LRP1B: variants seen among roughly 807,000 people sequenced by gnomAD.
LRP1B encodes low-density lipoprotein receptor-related protein 1B.
LRP1B carries 217 observed loss-of-function variants against 556.6 expected under a neutral mutation model. The observed-to-expected ratio is 0.39, with a 90% CI of 0.35 to 0.44. The LOEUF is 0.44. Among genes scored for constraint, LRP1B ranks in the 20% least tolerant of loss-of-function variants. The pLI, the probability that LRP1B is intolerant of heterozygous loss-of-function variation, is 1.00. For synonymous variants in LRP1B, 2,047 were observed against 1,865.8 expected (o/e 1.10, Z -2.50); for missense variants, 5,053 against 5,620.8 (o/e 0.90, Z 3.23).
At chr2:141,560,360 C>T (rs1007567819) in intron 2 of LRP1B, among the ~76,000 whole-genome samples, 1 of 151,712 alleles carries the variant, frequency 6.6e-6, no homozygotes, top group Non-Finnish European at 1.5e-5. Flanking sequence ...TGCATTAGTA[C>T]TTAAATAGCT....
chr2:140,415,167 G>A (rs914750446), intron 66 of LRP1B, among the ~76,000 whole-genome samples: 3 of 152,152 alleles, frequency 2.0e-5, no homozygotes, highest in South Asian at 2.1e-4. Flanking sequence ...GCTCGTGAAG[G>A]CTGTTTTCTG....
intron 31 of LRP1B, among the ~76,000 whole-genome samples, chr2:140,835,293 C>A (rs1691860849): frequency 1.3e-5 from 2 of 152,118 alleles, no homozygotes; most frequent in Non-Finnish European, 2.9e-5. Context: ...AAACTTAACT[C>A]ACAGGAAAAG....
intron 2 of LRP1B, among the ~76,000 whole-genome samples, chr2:141,567,740 T>TC (rs1686383394): frequency 7.6e-6 from 1 of 131,644 alleles, no homozygotes; most frequent in Non-Finnish European, 1.8e-5. Context: ...CCTGGGAAAC[T>TC]AAACAGACCT....
intron 1 of LRP1B, among the ~76,000 whole-genome samples, chr2:141,872,842 A>T (rs566403490): frequency 1.0e-3 from 154 of 152,168 alleles, no homozygotes; most frequent in African/African-American, 3.6e-3. Context: ...TAAAACATTT[A>T]AAAAATTTAA....
intron 2 of LRP1B, among the ~76,000 whole-genome samples, chr2:141,752,758 G>A: frequency 6.6e-6 from 1 of 150,762 alleles, no homozygotes; most frequent in African/African-American, 2.4e-5. Flanking sequence ...TGGGCAACAT[G>A]GAGAAACCCT....
chr2:141,412,006 T>C lies in LRP1B; in HGVS notation c.343+68390A>G, dbSNP rs1319375792. ...CCTCATACTAGATTGTCTTGAAATA[T>C]AAAAAGGAACTATTACATTATTTTA... On this transcript the variant is annotated intron_variant, in intron 3 of 90. Transcript: ENST00000389484. Among the ~76,000 whole-genome samples, 4 of 151,988 alleles carry C rather than the reference T, an allele frequency of 2.6e-5. No homozygotes were observed. In the East Asian group the frequency reaches 7.7e-4, roughly 29 times the overall value.
In LRP1B at chr2:142,045,668, C is replaced by T. The variant is rs974758661; in HGVS notation, c.82+84980G>A. Among the ~76,000 whole-genome samples the T allele has an allele frequency of 5.9e-5, 9 of 151,956 alleles. No homozygotes were observed. In the East Asian group the frequency reaches 9.7e-4, roughly 16 times the overall value. On this transcript the variant is annotated intron_variant, in intron 1 of 90. Transcript: ENST00000389484. Reference sequence around the variant, plus strand: ...TATCTAATATATTTAATCGGTCATGCGTAATACATACTTTGTTTGCTATAC... The same window carrying T: ...TATCTAATATATTTAATCGGTCATGTGTAATACATACTTTGTTTGCTATAC...
intron 7 of LRP1B, among the ~76,000 whole-genome samples, chr2:141,099,529 G>A (rs148412338): frequency 1.3e-5 from 2 of 152,288 alleles, no homozygotes; most frequent in African/African-American, 2.4e-5. Context: ...ATGTATGAGT[G>A]CATACACACA....
At chr2:141,072,828 C>T (rs1032728959) in intron 7 of LRP1B, among the ~76,000 whole-genome samples, 2 of 152,036 alleles carry the variant, frequency 1.3e-5, no homozygotes, top group African/African-American at 4.8e-5. Flanking sequence ...TTTCTTATAG[C>T]CCCAGCTAAA....
chr2:141,096,629 GGAGAGAGAGAGAGAGAGAGAGAGAGA>G (rs756327718), intron 7 of LRP1B, among the ~76,000 whole-genome samples: 13 of 59,744 alleles, frequency 2.2e-4, no homozygotes, highest in South Asian at 6.0e-4. Flanking sequence ...GGGGAGAGGG[GGAGAGAGAGAGAGAGAGAGAGAGAGA>G]GAGAGAGAGA....
chr2:140,431,103 C>A (rs1327025790), intron 66 of LRP1B, among the ~76,000 whole-genome samples: 1 of 152,192 alleles, frequency 6.6e-6, no homozygotes, highest in Admixed American at 6.5e-5. Flanking sequence ...CGATAGCAGA[C>A]CGGCCTTTAT....
chr2:142,013,565 A>G (rs929242021), intron 1 of LRP1B, among the ~76,000 whole-genome samples: 31 of 149,444 alleles, frequency 2.1e-4, no homozygotes, highest in African/African-American at 7.6e-4. Flanking sequence ...TATTCTACAG[A>G]AAAAAAAAAT....
chr2:141,186,090 A>AAAC (rs1553472532), intron 7 of LRP1B, among the ~76,000 whole-genome samples: 2 of 151,148 alleles, frequency 1.3e-5, no homozygotes, highest in Admixed American at 6.6e-5. Context: ...AAAAAAAAAA[A>AAAC]AAAAAAAAAC....
At chr2:141,217,612 G>T (rs896558270) in intron 6 of LRP1B, among the ~76,000 whole-genome samples, 2 of 152,176 alleles carry the variant, frequency 1.3e-5, no homozygotes, top group Non-Finnish European at 1.5e-5. Context: ...AAATTTAAAT[G>T]TAATACCTCA....
intron 3 of LRP1B, among the ~76,000 whole-genome samples, chr2:141,438,178 AGGATAGTC>A (rs1317351380): frequency 6.6e-6 from 1 of 152,128 alleles, no homozygotes; most frequent in Non-Finnish European, 1.5e-5. Flanking sequence ...TAAACATATC[AGGATAGTC>A]GATGCTTAAG....
intron 3 of LRP1B, among the ~76,000 whole-genome samples, chr2:141,331,926 AT>A (rs1361859748): frequency 6.6e-6 from 1 of 152,078 alleles, no homozygotes; most frequent in African/African-American, 2.4e-5. Flanking sequence ...ATTATTTCAT[AT>A]TGTGATTTCA....
intron 55 of LRP1B, among the ~76,000 whole-genome samples, chr2:140,500,767 C>T (rs890186088): frequency 6.6e-6 from 1 of 151,886 alleles, no homozygotes; most frequent in African/African-American, 2.4e-5. Context: ...GGATACACTC[C>T]AATTCGTCAT....
intron 1 of LRP1B, among the ~76,000 whole-genome samples, chr2:141,918,195 T>G (rs137942620): frequency 6.6e-6 from 1 of 151,968 alleles, no homozygotes; most frequent in African/African-American, 2.4e-5. Context: ...CAAAATGCTT[T>G]TGGAAACTTC....
chr2:142,049,181 A>G (rs1704360526), intron 1 of LRP1B, among the ~76,000 whole-genome samples: 1 of 152,104 alleles, frequency 6.6e-6, no homozygotes, highest in Non-Finnish European at 1.5e-5. Context: ...TGAACAATCA[A>G]TCCAGAGAAG....
Sources: gnomAD v4.1 joint callset for allele counts (sites outside exome capture counted in the v4.1 genomes callset) on GRCh38, gnomAD v4.1.1 for gene constraint, MANE v1.5 for transcripts, NCBI Gene and HGNC (gene_info 2026-07-23, HGNC 2026-07-21) for gene names.